Variants in KATNAL1 observed in about 807,000 individuals in gnomAD.
The protein encoded by KATNAL1 is katanin p60 ATPase-containing subunit A-like 1.
Under a neutral mutation model 55.2 loss-of-function variants are expected in KATNAL1, and 32 were observed. The ratio of observed to expected loss-of-function variants is 0.58; its 90% CI spans 0.44 to 0.78. KATNAL1 has a LOEUF of 0.78. Among genes scored for constraint, KATNAL1 ranks in the 30% least tolerant of loss-of-function variants. KATNAL1 has a pLI of 0.00. For missense variants in KATNAL1, 466 were observed against 600.9 expected, an observed-to-expected ratio of 0.78 and a Z score of 2.35; for synonymous variants, 193 against 193.6, an observed-to-expected ratio of 1.00 and a Z score of 0.02.
At chr13:30,232,058 T>A (rs916760861) in intron 6 of KATNAL1, among the ~76,000 whole-genome samples, 9 of 152,174 alleles carry the variant, frequency 5.9e-5, no homozygotes, top group Admixed American at 2.0e-4. Flanking sequence ...ATAGTAATAG[T>A]GATGAAAGAA....
intron 6 of KATNAL1, among the ~76,000 whole-genome samples, chr13:30,236,144 C>T (rs190445269): frequency 1.4e-3 from 218 of 152,230 alleles, no homozygotes; most frequent in African/African-American, 4.9e-3. Flanking sequence ...AGGGGACCCA[C>T]GATGTTCATG....
At chr13:30,296,186 A>T in intron 1 of KATNAL1, 1 of 669,426 alleles carries the variant, frequency 1.5e-6, no homozygotes, top group Non-Finnish European at 2.5e-6. Flanking sequence ...GCCTGCCCCT[A>T]ACTTCAAGGC....
intron 4 of KATNAL1, 28 bp from the exon 5 acceptor site, chr13:30,241,114 TAGTC>T: frequency 6.3e-7 from 1 of 1,593,204 alleles, no homozygotes; most frequent in East Asian, 2.2e-5. Flanking sequence ...AAAAAAGTAC[TAGTC>T]AGTAATGGAT....
chr13:30,263,876 T>C (rs1362999879), intron 3 of KATNAL1, among the ~76,000 whole-genome samples: 1 of 148,990 alleles, frequency 6.7e-6, no homozygotes, highest in African/African-American at 2.5e-5. Context: ...AAAAAACTAC[T>C]TTAAAGTTCA....
Position 30,283,626 on chromosome 13 carries a change from T to A in KATNAL1, c.152A>T (p.Lys51Ile), listed in dbSNP as rs1881570060. ...QSVRDPAIKGKWQQVRQELLE... is the reference protein window; with the variant it reads ...QSVRDPAIKGIWQQVRQELLE... ...TTAATACCATCTTACCTGTTGCCAT[T>A]TGCCTTTGATAGCTGGATCTCTGAC... The change falls in exon 2 of 11, where the codon AAA becomes ATA. Residue 51 changes from lysine to isoleucine, a missense_variant. Physicochemically the swap from Lys to Ile is moderately radical, Grantham distance 102 (BLOSUM62 -3). Coordinates refer to ENST00000380615, the MANE Select transcript of KATNAL1 (RefSeq NM_032116.5). 6.2e-7 allele frequency: 1 copy of A among 1,613,840 alleles called. No homozygotes were observed. The highest frequency in any genetic ancestry group is 2.2e-5 in the East Asian group (1 of 44,858).
intron 9 of KATNAL1, among the ~76,000 whole-genome samples, chr13:30,225,185 A>G (rs1298343150): frequency 6.6e-6 from 1 of 152,138 alleles, no homozygotes; most frequent in East Asian, 1.9e-4. Context: ...ATAGATTCCA[A>G]TGTATCCTCA....
At chr13:30,291,126 T>C (rs927967148) in intron 1 of KATNAL1, among the ~76,000 whole-genome samples, 32 of 152,192 alleles carry the variant, frequency 2.1e-4, no homozygotes, top group Non-Finnish European at 4.1e-4. Context: ...ATAAAAGGCA[T>C]GCAGATTGGA....
intron 3 of KATNAL1, among the ~76,000 whole-genome samples, chr13:30,274,267 G>C (rs1361480973): frequency 1.3e-5 from 2 of 152,184 alleles, no homozygotes; most frequent in Non-Finnish European, 2.9e-5. Flanking sequence ...TTCTCTATCA[G>C]TACTTGACTT....
chr13:30,300,415 A>G (rs544065820), intron 1 of KATNAL1, among the ~76,000 whole-genome samples: 2 of 152,336 alleles, frequency 1.3e-5, no homozygotes, highest in African/African-American at 4.8e-5. Context: ...TGAACTAAAT[A>G]ACACTAATTA....
intron 3 of KATNAL1, among the ~76,000 whole-genome samples, chr13:30,259,637 T>A (rs762107030): frequency 7.9e-5 from 12 of 152,152 alleles, no homozygotes; most frequent in Non-Finnish European, 1.6e-4. Context: ...ATCGGGTCAC[T>A]CCCACCTGAA....
At chr13:30,213,120 T>C (rs1051504270) in intron 9 of KATNAL1, among the ~76,000 whole-genome samples, 35 of 152,138 alleles carry the variant, frequency 2.3e-4, no homozygotes, top group Non-Finnish European at 1.2e-4. Context: ...AAATACAAAC[T>C]ACCATCAGAG....
chr13:30,259,342 A>AG (rs1879052842), intron 3 of KATNAL1, among the ~76,000 whole-genome samples: 1 of 149,464 alleles, frequency 6.7e-6, no homozygotes, highest in African/African-American at 2.5e-5. Flanking sequence ...TCCATCTCAA[A>AG]GAAAAAAAAA....
chr13:30,258,552 G>C (rs1397882928), intron 3 of KATNAL1, among the ~76,000 whole-genome samples: 1 of 152,094 alleles, frequency 6.6e-6, no homozygotes, highest in Non-Finnish European at 1.5e-5. Flanking sequence ...TTGATAAAGA[G>C]GTCATGATTC....
intron 3 of KATNAL1, among the ~76,000 whole-genome samples, chr13:30,276,269 C>T (rs1320386548): frequency 6.6e-6 from 1 of 152,128 alleles, no homozygotes; most frequent in Non-Finnish European, 1.5e-5. Context: ...TATGATTAAA[C>T]TCAGCAGATG....
chr13:30,212,792 A>C (rs1180103332), intron 9 of KATNAL1, among the ~76,000 whole-genome samples: 2 of 152,234 alleles, frequency 1.3e-5, no homozygotes, highest in African/African-American at 2.4e-5. Context: ...TGATATAATC[A>C]CATAATAGAT....
At chr13:30,251,708 A>G (rs1374895537) in intron 4 of KATNAL1, among the ~76,000 whole-genome samples, 1 of 152,194 alleles carries the variant, frequency 6.6e-6, no homozygotes, top group East Asian at 1.9e-4. Flanking sequence ...AATAAAACAG[A>G]AAAAATATAG....
chr13:30,213,198 A>G (rs1003473089), intron 9 of KATNAL1, among the ~76,000 whole-genome samples: 10 of 152,176 alleles, frequency 6.6e-5, no homozygotes, highest in African/African-American at 1.9e-4. Flanking sequence ...TCCTCGACAC[A>G]TACACCCTCC....
intron 9 of KATNAL1, among the ~76,000 whole-genome samples, chr13:30,225,552 T>G (rs1875370405): frequency 6.6e-6 from 1 of 152,058 alleles, no homozygotes. Context: ...AAAATAATTT[T>G]CAATGAAGGT....
chr13:30,231,763 A>C (rs1470242276), intron 6 of KATNAL1, among the ~76,000 whole-genome samples: 1 of 152,214 alleles, frequency 6.6e-6, no homozygotes, highest in African/African-American at 2.4e-5. Context: ...TGAACCTAGC[A>C]TATGACATAT....
Sources: gnomAD v4.1 joint callset for allele counts (sites outside exome capture counted in the v4.1 genomes callset) on GRCh38, gnomAD v4.1.1 for gene constraint, MANE v1.5 for transcripts, NCBI Gene and HGNC (gene_info 2026-07-23, HGNC 2026-07-21) for gene names.